The following BTD variants were observed in gnomAD, a reference collection of about 807,000 sequenced individuals.
The protein encoded by BTD is biocytinase.
A neutral mutation model predicts 17.7 loss-of-function variants in BTD; 13 were observed. The ratio of observed to expected loss-of-function variants is 0.74; its 90% CI spans 0.48 to 1.17. The LOEUF (loss-of-function observed/expected upper bound fraction) is 1.17. BTD is among the 50% of genes most tolerant of loss of function. The pLI is 0.00. For missense variants in BTD, 674 were observed against 650.4 expected, an observed-to-expected ratio of 1.04 and a Z score of -0.39; for synonymous variants, 240 against 245.2, an observed-to-expected ratio of 0.98 and a Z score of 0.20.
At chr3:15,685,348 G>C in intron 3 of BTD, 1 of 1,614,028 alleles carries the variant, frequency 6.2e-7, no homozygotes, top group Non-Finnish European at 8.5e-7. Flanking sequence ...ACAGGCAGCA[G>C]ACAGGTGTAT....
chr3:15,690,743 A>T (rs1486767954), intron 3 of BTD, among the ~76,000 whole-genome samples: 1 of 151,624 alleles, frequency 6.6e-6, no homozygotes, highest in Non-Finnish European at 1.5e-5. Flanking sequence ...TTTTCTTTTA[A>T]TTTTTGTAGT....
exon 4 of BTD, chr3:15,712,324 A>G: frequency 1.1e-6 from 1 of 908,646 alleles, no homozygotes; most frequent in Non-Finnish European, 1.7e-6. Context: ...GATAACTAAG[A>G]GCCAAAATGT....
downstream of BTD, among the ~76,000 whole-genome samples, chr3:15,715,176 G>T (rs544263689): frequency 6.6e-6 from 1 of 152,230 alleles, no homozygotes; most frequent in South Asian, 2.1e-4. Context: ...AGTTCTAAAG[G>T]AGTTCCAAAT....
chr3:15,616,275 C>T (rs1324195607), intron 1 of BTD, among the ~76,000 whole-genome samples: 1 of 152,194 alleles, frequency 6.6e-6, no homozygotes, highest in Non-Finnish European at 1.5e-5. Context: ...AGCAATGAAT[C>T]AGACTTCCTG....
intron 1 of BTD, among the ~76,000 whole-genome samples, chr3:15,608,764 CAA>C (rs895108669): frequency 2.8e-3 from 187 of 66,878 alleles, no homozygotes; most frequent in African/African-American, 9.0e-3. Context: ...GACTCCGTCT[CAA>C]AAAAAAAAAA....
At chr3:15,656,463 G>C (rs1415906817), downstream of BTD, among the ~76,000 whole-genome samples, 1 of 152,182 alleles carries the variant, frequency 6.6e-6, no homozygotes, top group Non-Finnish European at 1.5e-5. Context: ...CAGAGGTAGG[G>C]ATTGCATTAA....
At chr3:15,655,024 C>T (rs188666047), downstream of BTD, among the ~76,000 whole-genome samples, 258 of 152,280 alleles carry the variant, frequency 1.7e-3, no homozygotes, top group African/African-American at 5.9e-3. Context: ...TGAGCCACCG[C>T]GCCCGGCCTG....
chr3:15,640,585 T>G (rs1328764717), intron 2 of BTD, among the ~76,000 whole-genome samples: 1 of 152,064 alleles, frequency 6.6e-6, no homozygotes, highest in Non-Finnish European at 1.5e-5. Context: ...GAGACGGGGT[T>G]TCATCATGTT....
At chr3:15,714,236 G>C (rs1313181397), downstream of BTD, among the ~76,000 whole-genome samples, 1 of 152,006 alleles carries the variant, frequency 6.6e-6, no homozygotes, top group Non-Finnish European at 1.5e-5. Context: ...AGGGGAAAAT[G>C]ATACATGTAT....
intron 3 of BTD, among the ~76,000 whole-genome samples, chr3:15,665,010 G>A (rs1316556690): frequency 6.6e-6 from 1 of 152,070 alleles, no homozygotes; most frequent in Non-Finnish European, 1.5e-5. Context: ...ATCATAAAAT[G>A]TTTTAAAAAA....
chr3:15,603,397 C>A (rs1233063812), intron 1 of BTD, among the ~76,000 whole-genome samples: 1 of 152,222 alleles, frequency 6.6e-6, no homozygotes, highest in African/African-American at 2.4e-5. Context: ...GTGGCTCACA[C>A]CTGTAATCCC....
At chr3:15,701,347 A>T (rs2070576675) in intron 3 of BTD, among the ~76,000 whole-genome samples, 1 of 150,894 alleles carries the variant, frequency 6.6e-6, no homozygotes, top group African/African-American at 2.4e-5. Context: ...CAAGCATAAT[A>T]AAAAAAAGAA....
At chr3:15,616,682 G>C (rs1435052605) in intron 1 of BTD, among the ~76,000 whole-genome samples, 2 of 152,072 alleles carry the variant, frequency 1.3e-5, no homozygotes, top group East Asian at 3.8e-4. Flanking sequence ...CAGTGTTTTG[G>C]ATTTTGACTA....
chr3:15,601,524 G>A (rs778398494), upstream of BTD: 1 of 1,608,750 alleles, frequency 6.2e-7, no homozygotes, highest in African/African-American at 1.3e-5. Context: ...CATCCAGCAA[G>A]GCAAACGCGA....
At chr3:15,637,771 G>A (rs187785453) in intron 2 of BTD, among the ~76,000 whole-genome samples, 2 of 152,246 alleles carry the variant, frequency 1.3e-5, no homozygotes, top group East Asian at 1.9e-4. Context: ...CCTATCCACC[G>A]GACCATTCTG....
In BTD at chr3:15,644,212, G is replaced by A. The variant is rs138514312; in HGVS notation, c.400-104G>A. The A allele has an allele frequency of 4.4e-3, 5,167 of 1,181,300 alleles. 31 individuals carry two copies. Among genetic ancestry groups the A allele is most frequent in the South Asian group, 0.013 (928 of 73,920 alleles). The allele number at this position is 1,181,300 out of a possible 1,614,324, so 73.2% of individuals were successfully genotyped here. A position where few individuals can be genotyped will look rare whatever the true frequency, so the allele number is the denominator to read the frequency against. ...AGATGGGGTTTCACCGTGTTAGCCAGGGTGGTCTCAATCTCCTGACCTCAT... is the reference window on the plus strand; with the variant it reads ...AGATGGGGTTTCACCGTGTTAGCCAAGGTGGTCTCAATCTCCTGACCTCAT... On this transcript the variant is annotated intron_variant, in intron 3 of 3. Coordinates refer to ENST00000643237, the MANE Select transcript of BTD (RefSeq NM_001370658.1).
intron 1 of BTD, chr3:15,632,570 A>C (rs2065239269): frequency 1.3e-5 from 2 of 152,158 alleles, no homozygotes; most frequent in South Asian, 4.1e-4. Context: ...ACCTCTAGTT[A>C]CCATTTTCTT....
chr3:15,702,199 C>T (rs2070725159), intron 3 of BTD, among the ~76,000 whole-genome samples: 1 of 152,178 alleles, frequency 6.6e-6, no homozygotes, highest in Admixed American at 6.6e-5. Context: ...AAGGACTAAA[C>T]CACCTCAGGT....
chr3:15,658,167 TAA>T (rs72190740), downstream of BTD, among the ~76,000 whole-genome samples: 23 of 130,018 alleles, frequency 1.8e-4, no homozygotes, highest in Admixed American at 1.6e-4. Flanking sequence ...AGACTCCATC[TAA>T]AAAAAAAAAA....
Sources: allele counts gnomAD v4.1 joint callset (sites outside exome capture counted in the v4.1 genomes callset), GRCh38; gene constraint gnomAD v4.1.1; transcripts MANE v1.5; gene names NCBI Gene and HGNC (gene_info 2026-07-23, HGNC 2026-07-21).